The following CAMK4 variants were observed in gnomAD, a reference collection of about 807,000 sequenced individuals.
CAMK4 encodes the protein calcium/calmodulin-dependent protein kinase type IV.
A neutral mutation model predicts 44.9 loss-of-function variants in CAMK4; 22 were observed. The ratio of observed to expected loss-of-function variants is 0.49; its 90% CI spans 0.35 to 0.70. CAMK4 has a LOEUF of 0.70. CAMK4 is among the 30% of genes least tolerant of loss of function. The pLI is 0.01. For missense variants in CAMK4, 498 were observed against 586.8 expected, an observed-to-expected ratio of 0.85 and a Z score of 1.56; for synonymous variants, 218 against 215.4, an observed-to-expected ratio of 1.01 and a Z score of -0.11.
At chr5:111,344,481 C>T (rs1374608395) in intron 2 of CAMK4, among the ~76,000 whole-genome samples, 1 of 151,370 alleles carries the variant, frequency 6.6e-6, no homozygotes, top group African/African-American at 2.4e-5. Context: ...ATATTAAAAC[C>T]ACATTTTAAT....
intron 1 of CAMK4, among the ~76,000 whole-genome samples, chr5:111,333,201 A>C (rs188013965): frequency 6.6e-6 from 1 of 151,728 alleles, no homozygotes; most frequent in East Asian, 2.0e-4. Flanking sequence ...AGGAAAGAGG[A>C]CTGGGAATGG....
rs1167010060 is a variant in CAMK4 at position 111,488,181 on chromosome 5, C to T, written c.*3715C>T. On this transcript the variant is annotated 3_prime_UTR_variant, in exon 11 of 11. Coordinates refer to ENST00000282356, the MANE Select transcript of CAMK4 (RefSeq NM_001744.6). ...TAAGCTTCATGCCATCCTTGTATCA[C>T]AGGCAATATGTCTTTCTGGAAATCT... 4 of 152,220 alleles carry T rather than the reference C, an allele frequency of 2.6e-5. No homozygotes were observed. Among genetic ancestry groups the T allele is most frequent in the Non-Finnish European group, 5.9e-5 (4 of 68,044 alleles). The allele number at this position is 152,220 out of a possible 1,614,324, so 9.4% of individuals were successfully genotyped here. A position where few individuals can be genotyped will look rare whatever the true frequency, so the allele number is the denominator to read the frequency against.
chr5:111,383,922 CTA>C (rs1751505481), intron 4 of CAMK4, among the ~76,000 whole-genome samples: 1 of 152,130 alleles, frequency 6.6e-6, no homozygotes, highest in African/African-American at 2.4e-5. Flanking sequence ...TGCTATGACT[CTA>C]TGACTTTATA....
chr5:111,309,888 G>A (rs918471652), intron 1 of CAMK4, among the ~76,000 whole-genome samples: 3 of 152,118 alleles, frequency 2.0e-5, no homozygotes, highest in Non-Finnish European at 4.4e-5. Flanking sequence ...ATATTGATAA[G>A]GGACATAGGC....
Position 111,344,113 on chromosome 5 carries a change from T to C in CAMK4, c.240+11T>C. On this transcript the variant is annotated intron_variant, in intron 2 of 10. Transcript: ENST00000282356. ...GTGTTAAAGAAAACAGTAAGTTTAT[T>C]TCTTATATAATGGCATCTCTAAGGG... 1 of 1,526,444 alleles carries C rather than the reference T, an allele frequency of 6.6e-7. No homozygotes were observed. The highest frequency in any genetic ancestry group is 1.4e-5 in the African/African-American group (1 of 72,918). 94.6% of individuals were successfully genotyped at this position (1,526,444 alleles called of 1,614,324 possible).
At chr5:111,383,898 T>A (rs1344927399) in intron 4 of CAMK4, among the ~76,000 whole-genome samples, 1 of 152,156 alleles carries the variant, frequency 6.6e-6, no homozygotes, top group Non-Finnish European at 1.5e-5. Context: ...AAGCCAGACA[T>A]GGAAGACTAT....
chr5:111,276,004 A>G (rs1044534443), intron 1 of CAMK4, among the ~76,000 whole-genome samples: 1 of 152,286 alleles, frequency 6.6e-6, no homozygotes, highest in South Asian at 2.1e-4. Context: ...TTCTTGTATC[A>G]AATATTATTG....
intron 1 of CAMK4, among the ~76,000 whole-genome samples, chr5:111,249,979 A>G (rs1288341555): frequency 2.6e-5 from 4 of 152,056 alleles, no homozygotes; most frequent in African/African-American, 9.7e-5. Flanking sequence ...GATAGGTATT[A>G]TTAACCTTAG....
chr5:111,338,619 A>G (rs1749509016), intron 1 of CAMK4, among the ~76,000 whole-genome samples: 1 of 151,448 alleles, frequency 6.6e-6, no homozygotes, highest in East Asian at 2.0e-4. Flanking sequence ...TAAATCTTTA[A>G]TGCATTTTGA....
chr5:111,242,231 A>T (rs556231104), intron 1 of CAMK4, among the ~76,000 whole-genome samples: 28 of 152,166 alleles, frequency 1.8e-4, no homozygotes, highest in Admixed American at 1.8e-3. Context: ...AATAAGACAT[A>T]TTCTCCCACT....
intron 7 of CAMK4, among the ~76,000 whole-genome samples, chr5:111,461,444 G>A (rs772692614): frequency 6.6e-6 from 1 of 152,138 alleles, no homozygotes; most frequent in African/African-American, 2.4e-5. Flanking sequence ...TTTTAAACAG[G>A]TTGTGCTCCT....
chr5:111,346,545 G>A (rs533661360), intron 2 of CAMK4, among the ~76,000 whole-genome samples: 5 of 149,116 alleles, frequency 3.4e-5, no homozygotes, highest in African/African-American at 1.2e-4. Context: ...CAACCATCTT[G>A]TTTTTCTAGA....
At chr5:111,375,606 C>G (rs566861464) in intron 3 of CAMK4, among the ~76,000 whole-genome samples, 1 of 152,244 alleles carries the variant, frequency 6.6e-6, no homozygotes, top group East Asian at 1.9e-4. Context: ...AGGCAAAGTG[C>G]TCAAAACTTA....
chr5:111,358,641 T>C (rs1750473536), intron 2 of CAMK4, among the ~76,000 whole-genome samples: 1 of 151,828 alleles, frequency 6.6e-6, no homozygotes, highest in Non-Finnish European at 1.5e-5. Flanking sequence ...GTCATGGGGA[T>C]TTGTTGTACA....
intron 4 of CAMK4, among the ~76,000 whole-genome samples, chr5:111,384,176 C>T (rs1751515018): frequency 6.6e-6 from 1 of 152,032 alleles, no homozygotes; most frequent in Admixed American, 6.6e-5. Flanking sequence ...CAGACAAGGG[C>T]AAGAAAAAGG....
intron 1 of CAMK4, among the ~76,000 whole-genome samples, chr5:111,285,366 G>T (rs1422520373): frequency 2.6e-5 from 4 of 152,122 alleles, no homozygotes. Flanking sequence ...AAGCACAGGT[G>T]GCCAATGTGA....
intron 1 of CAMK4, among the ~76,000 whole-genome samples, chr5:111,330,144 T>C (rs992765579): frequency 1.3e-5 from 2 of 148,210 alleles, no homozygotes; most frequent in Admixed American, 1.4e-4. Flanking sequence ...AGTAAGTTAA[T>C]TTGGCAAGGT....
intron 1 of CAMK4, among the ~76,000 whole-genome samples, chr5:111,341,652 C>A (rs1412890408): frequency 6.6e-6 from 1 of 151,080 alleles, no homozygotes; most frequent in Non-Finnish European, 1.5e-5. Flanking sequence ...AAATATGTAA[C>A]AATTACAGTA....
At position 111,441,008 on chromosome 5, in the gene CAMK4, C is replaced by T. The variant is rs141336100; in HGVS notation, c.460-5678C>T. On this transcript the variant is annotated intron_variant, in intron 5 of 10. Transcript: ENST00000282356. ...TTCCCACTACAATCTGCAAAGTGGG[C>T]GTTGCAGATGAGAAAACCGAGGCTT... 6.6e-5 allele frequency among the ~76,000 whole-genome samples: 10 copies of T among 152,236 alleles called. No individual in the cohort carries two copies. In the East Asian group the frequency reaches 1.2e-3, roughly 18 times the overall value.
Sources: gnomAD v4.1 joint callset for allele counts (sites outside exome capture counted in the v4.1 genomes callset) on GRCh38, gnomAD v4.1.1 for gene constraint, MANE v1.5 for transcripts, NCBI Gene and HGNC (gene_info 2026-07-23, HGNC 2026-07-21) for gene names.